The following AUTS2 variants were observed in gnomAD, a reference collection of about 807,000 sequenced individuals.
The protein encoded by AUTS2 is activator of transcription and developmental regulator AUTS2.
AUTS2 carries 17 observed loss-of-function variants against 112.4 expected under a neutral mutation model. That is an observed-to-expected ratio of 0.15 (90% confidence interval 0.10 to 0.23). The LOEUF (loss-of-function observed/expected upper bound fraction) is 0.23. Ranked by LOEUF, AUTS2 falls within the 10% of genes least tolerant of loss-of-function variation. The probability of loss-of-function intolerance (pLI) is 1.00; values close to 1 mark genes in which losing one functional copy is unlikely to be tolerated. For synonymous variants in AUTS2, 751 were observed against 702.7 expected (o/e 1.07, Z -1.09); for missense variants, 1,510 against 1,701.6 (o/e 0.89, Z 1.98).
chr7:70,422,735 C>T (rs1041898700), intron 4 of AUTS2, among the ~76,000 whole-genome samples: 7 of 152,086 alleles, frequency 4.6e-5, no homozygotes, highest in African/African-American at 1.4e-4. Context: ...AAGATCGCGC[C>T]ACTGTGCTCC....
intron 5 of AUTS2, among the ~76,000 whole-genome samples, chr7:70,684,515 G>T (rs112566869): frequency 1.1e-3 from 168 of 152,048 alleles, no homozygotes; most frequent in African/African-American, 4.0e-3. Flanking sequence ...ATGGTGTGGT[G>T]TGGTATGGTG....
At chr7:70,022,602 T>C (rs1264307783) in intron 2 of AUTS2, among the ~76,000 whole-genome samples, 6 of 152,148 alleles carry the variant, frequency 3.9e-5, no homozygotes, top group African/African-American at 1.4e-4. Context: ...ATTACAGACA[T>C]GAGCCACTGC....
chr7:69,852,533 A>C (rs376698515), intron 1 of AUTS2, among the ~76,000 whole-genome samples: 1 of 151,762 alleles, frequency 6.6e-6, no homozygotes, highest in Non-Finnish European at 1.5e-5. Context: ...GCTCACTGCA[A>C]CCTCCGCCTC....
intron 2 of AUTS2, among the ~76,000 whole-genome samples, chr7:70,086,890 A>G (rs989178677): frequency 6.6e-6 from 1 of 151,522 alleles, no homozygotes; most frequent in African/African-American, 2.4e-5. Context: ...TGTATTGTAT[A>G]TATAGTTGAT....
chr7:70,482,711 G>A (rs969600604), intron 5 of AUTS2, among the ~76,000 whole-genome samples: 10 of 152,146 alleles, frequency 6.6e-5, no homozygotes, highest in African/African-American at 1.7e-4. Context: ...CAACGTCTCC[G>A]TGAATCCTAA....
At chr7:70,351,505 G>C (rs948473949) in intron 4 of AUTS2, among the ~76,000 whole-genome samples, 1 of 152,096 alleles carries the variant, frequency 6.6e-6, no homozygotes, top group African/African-American at 2.4e-5. Flanking sequence ...TGGGGGTGCA[G>C]GTATCTCTTC....
intron 1 of AUTS2, among the ~76,000 whole-genome samples, chr7:69,636,754 A>G (rs1211866565): frequency 6.6e-6 from 1 of 151,648 alleles, no homozygotes; most frequent in Non-Finnish European, 1.5e-5. Flanking sequence ...TTGTCATTTT[A>G]TAAAATGTTG....
chr7:70,389,674 C>CA (rs1793765518), intron 4 of AUTS2, among the ~76,000 whole-genome samples: 1 of 151,778 alleles, frequency 6.6e-6, no homozygotes, highest in Non-Finnish European at 1.5e-5. Flanking sequence ...CCTTGGGAGC[C>CA]AAAAAGAAAT....
intron 2 of AUTS2, among the ~76,000 whole-genome samples, chr7:69,986,263 C>T (rs149099943): frequency 6.6e-6 from 1 of 152,316 alleles, no homozygotes; most frequent in African/African-American, 2.4e-5. Flanking sequence ...GCACCTAGTG[C>T]TATGCCTAGC....
rs1398090271 is a variant in AUTS2, at chr7:70,245,183, TAAAC to T, written c.660+110616_660+110619del. 2.5e-3 allele frequency among the ~76,000 whole-genome samples: 340 copies of T among 133,876 alleles called. 2 individuals are homozygous for T. Among genetic ancestry groups the T allele is most frequent in the African/African-American group, 9.0e-3 (313 of 34,598 alleles). 87.8% of individuals were successfully genotyped at this position (133,876 alleles called of 152,430 possible). On this transcript the variant is annotated intron_variant, in intron 4 of 18. Transcript: ENST00000342771. ...ATATATATATATAAAAAATAAAAAA[TAAAC>T]AAAAATTAAAAAGTAAGTGCAAGAC... is the stretch of plus-strand genomic sequence containing the variant.
In AUTS2 at chr7:69,734,655, T is replaced by TC. The variant is rs71302816; in HGVS notation, c.309+134697dup. On this transcript the variant is annotated intron_variant, in intron 1 of 18. Transcript: ENST00000342771. ...GCATTTGCTTGTTGGGTTTTTTTTT[T>TC]CCCCATAATGGTAGGTTCTTAACTG... is the stretch of plus-strand genomic sequence containing the variant. Among the ~76,000 whole-genome samples the TC allele has an allele frequency of 1.3e-3, 202 of 151,612 alleles. 2 individuals are homozygous for TC. Among genetic ancestry groups the TC allele is most frequent in the African/African-American group, 4.5e-3 (185 of 41,318 alleles).
chr7:69,771,699 T>C (rs1002815332), intron 1 of AUTS2, among the ~76,000 whole-genome samples: 22 of 152,030 alleles, frequency 1.4e-4, no homozygotes, highest in Non-Finnish European at 1.5e-5. Flanking sequence ...CAGTGGTCTC[T>C]TGGGGAGATT....
intron 4 of AUTS2, among the ~76,000 whole-genome samples, chr7:70,259,988 C>A (rs924519287): frequency 1.3e-5 from 2 of 152,084 alleles, no homozygotes; most frequent in African/African-American, 4.8e-5. Context: ...CATTTTCTTA[C>A]GAAGTTTTAA....
At chr7:70,290,324 A>G (rs1788651359) in intron 4 of AUTS2, 7 of 1,452,058 alleles carry the variant, frequency 4.8e-6, no homozygotes, top group Non-Finnish European at 6.3e-6. Flanking sequence ...GAGGGCATTT[A>G]ACATTCTTTT....
chr7:69,896,955 T>G (rs1451727801), intron 1 of AUTS2, among the ~76,000 whole-genome samples: 1 of 152,250 alleles, frequency 6.6e-6, no homozygotes, highest in African/African-American at 2.4e-5. Flanking sequence ...TCCTTTAGCG[T>G]TGTTAACTCA....
At chr7:69,699,276 C>T (rs191358755) in intron 1 of AUTS2, among the ~76,000 whole-genome samples, 1 of 152,246 alleles carries the variant, frequency 6.6e-6, no homozygotes, top group East Asian at 1.9e-4. Flanking sequence ...GAATGTCTCA[C>T]TCTCATCCCT....
intron 4 of AUTS2, among the ~76,000 whole-genome samples, chr7:70,163,561 G>C (rs150328697): frequency 6.6e-6 from 1 of 152,080 alleles, no homozygotes; most frequent in Non-Finnish European, 1.5e-5. Flanking sequence ...TAGCTGCTGT[G>C]GGGGAAGGAC....
intron 1 of AUTS2, among the ~76,000 whole-genome samples, chr7:69,698,147 T>C (rs961470591): frequency 6.6e-6 from 1 of 152,206 alleles, no homozygotes; most frequent in Non-Finnish European, 1.5e-5. Flanking sequence ...TGATCTGATA[T>C]GGAGTGTCTT....
intron 4 of AUTS2, among the ~76,000 whole-genome samples, chr7:70,198,334 G>A (rs1810302357): frequency 6.6e-6 from 1 of 151,340 alleles, no homozygotes; most frequent in Non-Finnish European, 1.5e-5. Flanking sequence ...GAACAAAGCT[G>A]GATGGAGAAT....
Sources: allele counts gnomAD v4.1 joint callset (sites outside exome capture counted in the v4.1 genomes callset), GRCh38; gene constraint gnomAD v4.1.1; transcripts MANE v1.5; gene names NCBI Gene and HGNC (gene_info 2026-07-23, HGNC 2026-07-21).